The following ARHGEF40 variants were observed in gnomAD, a reference collection of about 807,000 sequenced individuals.
The protein encoded by ARHGEF40 is Rho guanine nucleotide exchange factor (GEF) 40.
In ARHGEF40, 98 loss-of-function variants were observed where a neutral mutation model predicts 165.9. The ratio of observed to expected loss-of-function variants is 0.59; its 90% CI spans 0.50 to 0.70. ARHGEF40 has a LOEUF of 0.70. ARHGEF40 is among the 30% of genes least tolerant of loss of function. The pLI is 0.00. For missense variants in ARHGEF40, 1,815 were observed against 1,968.0 expected, an observed-to-expected ratio of 0.92 and a Z score of 1.47; for synonymous variants, 792 against 814.3, an observed-to-expected ratio of 0.97 and a Z score of 0.47.
upstream of ARHGEF40, among the ~76,000 whole-genome samples, chr14:21,068,901 G>A (rs903335759): frequency 2.6e-5 from 4 of 152,244 alleles, no homozygotes; most frequent in African/African-American, 9.6e-5. Context: ...CAGAGGAGGT[G>A]AGAGAAGAGC....
rs759298934 is a variant in ARHGEF40 at position 21,074,888 on chromosome 14, A to G, written c.1158A>G (p.Ala386=). 3.7e-6 allele frequency: 6 copies of G among 1,610,660 alleles called. No individual in the cohort carries two copies. In the South Asian group the frequency reaches 6.6e-5, roughly 18 times the overall value. The change falls in exon 3 of 24, where the codon GCA becomes GCG. Residue 386 remains alanine, a synonymous_variant. Transcript: ENST00000298694. The surrounding 1 kb of genome is among the most constrained non-coding windows in gnomAD (Gnocchi z 4.8). ...GKGNRRKKRA[A]GRGALSRGGD... ...GAAACAGAAGAAAGAAGCGAGCTGC[A>G]GGTCGAGGGGCTCTTAGCCGAGGAG...
At position 21,076,466 on chromosome 14, in the gene ARHGEF40, C is replaced by T. The variant is rs1292554424; in HGVS notation, c.1836+10C>T. 6.2e-7 allele frequency: 1 copy of T among 1,613,996 alleles called. No individual in the cohort carries two copies. The highest frequency in any genetic ancestry group is 8.5e-7 in the Non-Finnish European group (1 of 1,179,998). ...CTTGAGCCAACTTCAGGTAACCACC[C>T]CTCAAACAGGCAGTTCCCCTGGATC... On this transcript the variant is annotated intron_variant, in intron 6 of 23. Coordinates refer to ENST00000298694, the MANE Select transcript of ARHGEF40 (RefSeq NM_018071.5).
intron 13 of ARHGEF40, 189 bp downstream of exon 13, chr14:21,081,205 T>C: frequency 1.0e-6 from 1 of 959,944 alleles, no homozygotes; most frequent in Non-Finnish European, 1.5e-6. Flanking sequence ...TGTGCCTCCA[T>C]AGATCTACCT....
At chr14:21,082,707 A>T (rs1888020313) in intron 15 of ARHGEF40, 124 bp from the exon 16 acceptor site, 2 of 1,111,694 alleles carry the variant, frequency 1.8e-6, no homozygotes, top group African/African-American at 1.6e-5. Context: ...CCTCCCTGGT[A>T]GGCTGAGTGC....
At chr14:21,066,978 C>T (rs1886302507), upstream of ARHGEF40, among the ~76,000 whole-genome samples, 1 of 152,178 alleles carries the variant, frequency 6.6e-6, no homozygotes. Flanking sequence ...TCAAGTCCGT[C>T]CCTAAAATTC....
chr14:21,076,282 C>T (rs569320020), intron 5 of ARHGEF40, 78 bp from the exon 6 acceptor site: 11 of 1,199,774 alleles, frequency 9.2e-6, no homozygotes, highest in South Asian at 2.6e-5. Context: ...AAACAGACCC[C>T]GTATGTCTGC....
Position 21,070,724 on chromosome 14 carries a change from C to T in ARHGEF40, c.3+325C>T. Reference sequence around the variant, plus strand: ...CCTGTGCCTTCCTTTCCTGGAGCTTCCCTCCCCCTCCTGGTCCGAGCTCCT... The same window carrying T: ...CCTGTGCCTTCCTTTCCTGGAGCTTTCCTCCCCCTCCTGGTCCGAGCTCCT... On this transcript the variant is annotated intron_variant, in intron 1 of 23. Transcript: ENST00000298694. The surrounding 1 kb of genome is among the most constrained non-coding windows in gnomAD (Gnocchi z 4.7). 7.7e-7 allele frequency: 1 copy of T among 1,303,252 alleles called. No individual in the cohort carries two copies. Among genetic ancestry groups the T allele is most frequent in the East Asian group, 2.5e-5 (1 of 39,560 alleles). 80.7% of individuals were successfully genotyped at this position (1,303,252 alleles called of 1,614,324 possible). A position where few individuals can be genotyped will look rare whatever the true frequency, so the allele number is the denominator to read the frequency against.
chr14:21,068,137 C>T (rs1029121260), upstream of ARHGEF40, among the ~76,000 whole-genome samples: 350 of 48,690 alleles, frequency 7.2e-3, 109 homozygotes, highest in African/African-American at 0.015. Context: ...GTAGCTGGGA[C>T]TACAGGCGCC....
At position 21,087,430 on chromosome 14, in the gene ARHGEF40, G is replaced by T. The variant is rs755702126; in HGVS notation, c.4354G>T (p.Ala1452Ser). ...CCTGCCTGCCCGCGTCGAGGAGGAG[G>T]CCTGGGATCTGGACGTCAAGCAAAT... The part of the protein sequence containing the change: ...CSLPARVEEE[A>S]WDLDVKQISL... The change falls in exon 21 of 24, where the codon GCC becomes TCC. Residue 1452 changes from alanine (A) to serine (S), a missense_variant. Physicochemically the swap from Ala to Ser is moderately conservative, Grantham distance 99 (BLOSUM62 1). Transcript: ENST00000298694. The T allele has an allele frequency of 5.0e-6, 8 of 1,601,004 alleles. No individual in the cohort carries two copies. Among genetic ancestry groups the T allele is most frequent in the Non-Finnish European group, 6.8e-6 (8 of 1,179,938 alleles).
chr14:21,065,065 G>C, the ARHGEF40 span, among the ~76,000 whole-genome samples: 2 of 152,074 alleles, frequency 1.3e-5, no homozygotes, highest in African/African-American at 4.8e-5. Context: ...CAGCTACTTG[G>C]GAGGCTGAGG....
intron 5 of ARHGEF40, among the ~76,000 whole-genome samples, chr14:21,076,040 G>A (rs1160719953): frequency 1.3e-5 from 2 of 152,154 alleles, no homozygotes; most frequent in Non-Finnish European, 2.9e-5. Flanking sequence ...AACATTTATT[G>A]AGCACTGAGT....
upstream of ARHGEF40, among the ~76,000 whole-genome samples, chr14:21,069,591 C>T (rs1886510859): frequency 6.6e-6 from 1 of 152,248 alleles, no homozygotes; most frequent in African/African-American, 2.4e-5. Context: ...ATGTCCGCCC[C>T]CTATCCCAAG....
chr14:21,087,332 G>C lies in ARHGEF40; in HGVS notation c.4256G>C (p.Arg1419Pro). Residue 1419 changes from arginine to proline, a missense_variant, in exon 21 of 24, where the codon CGG becomes CCG. Arg to Pro is a moderately radical substitution (Grantham distance 103). Transcript: ENST00000298694. ...CCACTCTCTGCAGCCGCCCGCACCC[G>C]GGCCTCCGTGGCCGTGTCATCCTTT... ...ALLTGRAART[R>P]ASVAVSSFEH... is the part of the protein sequence containing the mutation. 6 of 1,603,512 alleles carry C rather than the reference G, an allele frequency of 3.7e-6. No individual in the cohort carries two copies. Among genetic ancestry groups the C allele is most frequent in the Non-Finnish European group, 5.1e-6 (6 of 1,177,592 alleles).
At chr14:21,082,602 C>A in intron 15 of ARHGEF40, 124 bp downstream of exon 15, 2 of 1,223,162 alleles carry the variant, frequency 1.6e-6, no homozygotes, top group Non-Finnish European at 2.2e-6. Context: ...CCTTGGGGCC[C>A]AGCCCTGTTC....
At chr14:21,063,907 C>A in the ARHGEF40 span, among the ~76,000 whole-genome samples, 1 of 152,164 alleles carries the variant, frequency 6.6e-6, no homozygotes, top group Admixed American at 6.5e-5. Flanking sequence ...TTTCAGGCAA[C>A]TCTAAGTATT....
chr14:21,075,034 A>G lies in ARHGEF40; in HGVS notation c.1304A>G (p.Tyr435Cys), dbSNP rs755148581. 3.1e-6 allele frequency: 5 copies of G among 1,614,064 alleles called. No individual in the cohort carries two copies. The South Asian group carries it at 5.5e-5, about 18-fold the overall frequency. ...GAATGCCACCTGGTTAAGGAGGAAT[A>G]TGAAGGCTCAGGGAAGCCAGAATCT... is the stretch of plus-strand genomic sequence containing the variant. Reference protein sequence around the residue: ...LPECHLVKEEYEGSGKPESEP... With the variant: ...LPECHLVKEECEGSGKPESEP... The change falls in exon 3 of 24, where the codon TAT becomes TGT. Residue 435 changes from tyrosine (Y) to cysteine (C), a missense_variant. Transcript: ENST00000298694. This position sits in a 1 kb window ranked among gnomAD's most constrained non-coding sequence, Gnocchi z 4.5.
Position 21,070,348 on chromosome 14 carries a change from C to T in ARHGEF40, c.-49C>T. The T allele has an allele frequency of 7.1e-7, 1 of 1,404,134 alleles. No homozygotes were observed. The highest frequency in any genetic ancestry group is 9.2e-7 in the Non-Finnish European group (1 of 1,084,380). 87.0% of individuals were successfully genotyped at this position (1,404,134 alleles called of 1,614,324 possible). On this transcript the variant is annotated 5_prime_UTR_variant, in exon 1 of 24. Coordinates refer to ENST00000298694, the MANE Select transcript of ARHGEF40 (RefSeq NM_018071.5). This position sits in a 1 kb window ranked among gnomAD's most constrained non-coding sequence, Gnocchi z 4.7. ...CGGCGGGAGGGAGGCGGTGGCGCGC[C>T]CGGCCCCGCCCGCCCGACCAAGCGT... is the stretch of plus-strand genomic sequence containing the variant.
chr14:21,079,023 C>A lies in ARHGEF40; in HGVS notation c.2373+13C>A, dbSNP rs778831057. Reference sequence around the variant, plus strand: ...GCGACTCCAGCAGGTGAGCCAGGATCCCCACGTCCCTCTTACTCAGCCTGG... The same window carrying A: ...GCGACTCCAGCAGGTGAGCCAGGATACCCACGTCCCTCTTACTCAGCCTGG... On this transcript the variant is annotated intron_variant, in intron 11 of 23. Transcript: ENST00000298694. 1 of 1,608,620 alleles carries A rather than the reference C, an allele frequency of 6.2e-7. No individual in the cohort carries two copies. The highest frequency in any genetic ancestry group is 8.5e-7 in the Non-Finnish European group (1 of 1,177,080).
At chr14:21,063,221 T>A in the ARHGEF40 span, among the ~76,000 whole-genome samples, 1 of 151,904 alleles carries the variant, frequency 6.6e-6, no homozygotes, top group African/African-American at 2.4e-5. Context: ...GGTGTGTATG[T>A]GTGTGTGTGT....
Sources: allele counts gnomAD v4.1 joint callset (sites outside exome capture counted in the v4.1 genomes callset), GRCh38; gene constraint gnomAD v4.1.1; non-coding constraint Gnocchi (gnomAD v3.1); transcripts MANE v1.5; gene names NCBI Gene and HGNC (gene_info 2026-07-23, HGNC 2026-07-21).